Variants in LIMD1 observed in about 807,000 individuals in gnomAD.
LIMD1 encodes the protein LIM domain-containing protein 1.
In LIMD1, 23 loss-of-function variants were observed where a neutral mutation model predicts 58.4. The observed-to-expected ratio is 0.39, with a 90% confidence interval of 0.28 to 0.56. LIMD1 has a LOEUF of 0.56. LIMD1 is among the 20% of genes least tolerant of loss of function. The pLI is 0.57. For synonymous variants in LIMD1, 334 were observed against 345.5 expected (o/e 0.97, Z 0.37); for missense variants, 838 against 855.5 (o/e 0.98, Z 0.25).
intron 6 of LIMD1, 33 bp downstream of exon 6, chr3:45,673,538 C>A: frequency 6.5e-7 from 1 of 1,543,698 alleles, no homozygotes; most frequent in Non-Finnish European, 9.0e-7. Context: ...CTCCCAGGGG[C>A]TTCTAAGACA....
At chr3:45,659,386 G>A (rs1326444715) in intron 2 of LIMD1, among the ~76,000 whole-genome samples, 1 of 152,096 alleles carries the variant, frequency 6.6e-6, no homozygotes, top group African/African-American at 2.4e-5. Flanking sequence ...AGGAGTTGTT[G>A]ACTAGCCTTA....
chr3:45,660,126 A>G (rs189518715), intron 2 of LIMD1, among the ~76,000 whole-genome samples: 15 of 152,308 alleles, frequency 9.8e-5, no homozygotes, highest in African/African-American at 2.9e-4. Context: ...CTGGAACCAA[A>G]GTGCTGTTTG....
intron 2 of LIMD1, among the ~76,000 whole-genome samples, chr3:45,661,735 A>T (rs1697443549): frequency 6.6e-6 from 1 of 152,272 alleles, no homozygotes; most frequent in Admixed American, 6.5e-5. Context: ...TGCTAGTCTG[A>T]TAGGTAAAGC....
intron 1 of LIMD1, among the ~76,000 whole-genome samples, chr3:45,607,650 G>C (rs1559513709): frequency 6.7e-6 from 1 of 149,658 alleles, no homozygotes; most frequent in Non-Finnish European, 1.5e-5. Context: ...GATAGTGACT[G>C]AGGTACTTAG....
rs1697777457 is a variant in LIMD1 at position 45,683,975 on chromosome 3, T to G, written c.*6916T>G. 1 of 152,240 alleles carries G rather than the reference T, an allele frequency of 6.6e-6. No individual in the cohort carries two copies. The highest frequency in any genetic ancestry group is 6.5e-5 in the Admixed American group (1 of 15,290). The allele number at this position is 152,240 out of a possible 1,614,324, so 9.4% of individuals were successfully genotyped here. On this transcript the variant is annotated 3_prime_UTR_variant, in exon 8 of 8. Coordinates refer to ENST00000273317, the MANE Select transcript of LIMD1 (RefSeq NM_014240.3). Reference sequence around the variant, plus strand: ...TTCCTAAGTTATTGGGTGCCTTTTCTTCAGGAATCCCTGAAAGTGGGGGTT... The same window carrying G: ...TTCCTAAGTTATTGGGTGCCTTTTCGTCAGGAATCCCTGAAAGTGGGGGTT...
chr3:45,634,690 G>C (rs987455539), intron 1 of LIMD1, among the ~76,000 whole-genome samples: 7 of 152,218 alleles, frequency 4.6e-5, no homozygotes, highest in African/African-American at 1.7e-4. Flanking sequence ...TTGTCACATA[G>C]CTAGTAAATT....
At chr3:45,654,706 C>T (rs919768217) in intron 2 of LIMD1, among the ~76,000 whole-genome samples, 7 of 150,580 alleles carry the variant, frequency 4.6e-5, no homozygotes, top group Non-Finnish European at 8.8e-5. Context: ...TGGTGGCATC[C>T]ACGTGTGTTC....
At chr3:45,633,475 G>A (rs1167604828) in intron 1 of LIMD1, among the ~76,000 whole-genome samples, 1 of 152,174 alleles carries the variant, frequency 6.6e-6, no homozygotes, top group African/African-American at 2.4e-5. Flanking sequence ...GAAGTGTTTG[G>A]GGTGAAGTTG....
At position 45,674,422 on chromosome 3, in the gene LIMD1, C is replaced by T. The variant is rs1559527094; in HGVS notation, c.1893+11C>T. On this transcript the variant is annotated intron_variant, in intron 7 of 7. Coordinates refer to ENST00000273317, the MANE Select transcript of LIMD1 (RefSeq NM_014240.3). ...TGTTACCACTGCGAGGTAGACCCCT[C>T]CCCACCCAGCCCCCAAAGCCCATTG... 1.3e-6 allele frequency: 2 copies of T among 1,549,850 alleles called. No homozygotes were observed. Among genetic ancestry groups the T allele is most frequent in the Non-Finnish European group, 8.8e-7 (1 of 1,130,642 alleles).
chr3:45,617,787 T>G, intron 1 of LIMD1, among the ~76,000 whole-genome samples: 1 of 152,084 alleles, frequency 6.6e-6, no homozygotes, highest in Non-Finnish European at 1.5e-5. Context: ...TGCTTCTGAC[T>G]TGCTGGGGAG....
At position 45,594,799 on chromosome 3, in the gene LIMD1, A is replaced by ACACACACAC. The variant is rs1701317312; in HGVS notation, c.-80_-72dup. The ACACACACAC allele has an allele frequency of 7.0e-6, 1 of 143,848 alleles. No individual in the cohort carries two copies. Among genetic ancestry groups the ACACACACAC allele is most frequent in the African/African-American group, 4.3e-5 (1 of 23,384 alleles). 8.9% of individuals were successfully genotyped at this position (143,848 alleles called of 1,614,324 possible). A position where few individuals can be genotyped will look rare whatever the true frequency, so the allele number is the denominator to read the frequency against. On this transcript the variant is annotated 5_prime_UTR_variant, in exon 1 of 8. Coordinates refer to ENST00000273317, the MANE Select transcript of LIMD1 (RefSeq NM_014240.3). ...CCTCAACACACACACACACACACAC[A>ACACACACAC]CACACACACACACACACACACACAC...
rs148816373 is a variant in LIMD1 at position 45,596,399 on chromosome 3, G to A, written c.1408+112G>A. The A allele has an allele frequency of 2.6e-4, 217 of 837,030 alleles. 1 individual carries two copies. The African/African-American group carries it at 3.3e-3, about 13-fold the overall frequency. The allele number at this position is 837,030 out of a possible 1,614,324, so 51.9% of individuals were successfully genotyped here. On this transcript the variant is annotated intron_variant, in intron 1 of 7. Transcript: ENST00000273317. ...GGCTGTAGTTACCTCTCTTTGAGTG[G>A]CCTGTTTTTTTATTTTTTTGTTTTG...
intron 2 of LIMD1, among the ~76,000 whole-genome samples, chr3:45,656,638 T>G (rs200535709): frequency 6.6e-6 from 1 of 151,890 alleles, no homozygotes; most frequent in Admixed American, 6.6e-5. Context: ...CTGCCTCAGC[T>G]TCCTGAGTAG....
At chr3:45,598,977 C>T (rs1701383817) in intron 1 of LIMD1, among the ~76,000 whole-genome samples, 1 of 152,092 alleles carries the variant, frequency 6.6e-6, no homozygotes, top group African/African-American at 2.4e-5. Context: ...AAAACGGAAG[C>T]TCAGGGAGAT....
In LIMD1 at chr3:45,651,417, G is replaced by A. The variant is rs1701973545; in HGVS notation, c.1511-14233G>A. Among the ~76,000 whole-genome samples the A allele has an allele frequency of 7.2e-5, 11 of 152,296 alleles. No homozygotes were observed. In the South Asian group the frequency reaches 2.3e-3, roughly 32 times the overall value. On this transcript the variant is annotated intron_variant, in intron 2 of 7. Coordinates refer to ENST00000273317, the MANE Select transcript of LIMD1 (RefSeq NM_014240.3). ...TTATGAAGTCCTTGCCTGTGCGTGT[G>A]TCCTGAATGGTACTGCCTAGATTTT...
rs1384230241 is a variant in LIMD1, at chr3:45,683,437, A to C, written c.*6378A>C. On this transcript the variant is annotated 3_prime_UTR_variant, in exon 8 of 8. Coordinates refer to ENST00000273317, the MANE Select transcript of LIMD1 (RefSeq NM_014240.3). ...TTCTGCATGGCAGGTGAAAAATTGA[A>C]AGTATCGCTAATTGATCCCCTCCCA... is the stretch of plus-strand genomic sequence containing the variant. 1.3e-5 allele frequency: 2 copies of C among 152,000 alleles called. No individual in the cohort carries two copies. The highest frequency in any genetic ancestry group is 2.9e-5 in the Non-Finnish European group (2 of 68,020). The allele number at this position is 152,000 out of a possible 1,614,324, so 9.4% of individuals were successfully genotyped here. A position where few individuals can be genotyped will look rare whatever the true frequency, so the allele number is the denominator to read the frequency against.
intron 4 of LIMD1, among the ~76,000 whole-genome samples, chr3:45,671,545 G>A (rs1317870228): frequency 4.6e-5 from 7 of 152,170 alleles, no homozygotes; most frequent in Non-Finnish European, 8.8e-5. Context: ...TCATGATGCA[G>A]GTAATTGCAG....
At chr3:45,649,477 C>G (rs1218407309) in intron 2 of LIMD1, among the ~76,000 whole-genome samples, 1 of 151,280 alleles carries the variant, frequency 6.6e-6, no homozygotes, top group East Asian at 1.9e-4. Flanking sequence ...GTCAGAAGAT[C>G]GAGACCATCC....
At chr3:45,634,116 T>C (rs958690291) in intron 1 of LIMD1, among the ~76,000 whole-genome samples, 7 of 152,242 alleles carry the variant, frequency 4.6e-5, no homozygotes, top group African/African-American at 1.7e-4. Flanking sequence ...AAACACTTTT[T>C]TGAGACGACC....
Sources: allele counts gnomAD v4.1 joint callset (sites outside exome capture counted in the v4.1 genomes callset), GRCh38; gene constraint gnomAD v4.1.1; transcripts MANE v1.5; gene names NCBI Gene and HGNC (gene_info 2026-07-23, HGNC 2026-07-21).